Variants in LMBR1 observed in about 807,000 individuals in gnomAD.
The protein encoded by LMBR1 is limb development membrane protein 1.
A neutral mutation model predicts 73.9 loss-of-function variants in LMBR1; 52 were observed. The observed-to-expected ratio is 0.70, with a 90% confidence interval of 0.56 to 0.89. The LOEUF is 0.89. Ranked by LOEUF, LMBR1 falls within the 40% of genes least tolerant of loss-of-function variation. LMBR1 has a pLI of 0.00. For synonymous variants in LMBR1, 215 were observed against 209.4 expected, an observed-to-expected ratio of 1.03 and a Z score of -0.23; for missense variants, 539 against 579.8, an observed-to-expected ratio of 0.93 and a Z score of 0.72.
At chr7:156,704,608 A>G (rs1374010907) in intron 15 of LMBR1, among the ~76,000 whole-genome samples, 1 of 151,982 alleles carries the variant, frequency 6.6e-6, no homozygotes, top group Non-Finnish European at 1.5e-5. Flanking sequence ...AACTGAAAAA[A>G]AAAAACCCTC....
At chr7:156,797,274 T>C (rs529498422) in intron 4 of LMBR1, among the ~76,000 whole-genome samples, 1 of 152,190 alleles carries the variant, frequency 6.6e-6, no homozygotes, top group Non-Finnish European at 1.5e-5. Flanking sequence ...GTTAGGTATG[T>C]CATTGGGAGG....
At chr7:156,735,162 T>C (rs1384279239) in intron 9 of LMBR1, among the ~76,000 whole-genome samples, 2 of 152,216 alleles carry the variant, frequency 1.3e-5, no homozygotes, top group African/African-American at 2.4e-5. Context: ...GATTGCTGAG[T>C]AGGGTATGAA....
intron 3 of LMBR1, among the ~76,000 whole-genome samples, chr7:156,827,804 G>A (rs1246947468): frequency 6.6e-6 from 1 of 152,156 alleles, no homozygotes; most frequent in African/African-American, 2.4e-5. Flanking sequence ...CAACAGAAGT[G>A]TATTCCTACT....
chr7:156,833,881 TAAA>T, intron 2 of LMBR1, 89 bp from the exon 3 acceptor site: 1 of 830,544 alleles, frequency 1.2e-6, no homozygotes, highest in Non-Finnish European at 1.9e-6. Context: ...AATATAAACT[TAAA>T]AGGCAATTAT....
At chr7:156,805,636 GA>G (rs1303702914) in intron 4 of LMBR1, among the ~76,000 whole-genome samples, 15 of 152,176 alleles carry the variant, frequency 9.9e-5, no homozygotes, top group African/African-American at 3.4e-4. Context: ...ATTTGCATCC[GA>G]ATTTTAGATC....
intron 1 of LMBR1, among the ~76,000 whole-genome samples, chr7:156,891,223 TATATATATATACAC>T (rs1250694216): frequency 6.0e-5 from 4 of 66,900 alleles, no homozygotes; most frequent in Admixed American, 1.9e-4. Flanking sequence ...TATATATATA[TATATATATATACAC>T]ACACACACAC....
intron 1 of LMBR1, among the ~76,000 whole-genome samples, chr7:156,855,473 C>G (rs1375158041): frequency 6.6e-6 from 1 of 151,934 alleles, no homozygotes; most frequent in Non-Finnish European, 1.5e-5. Context: ...AATAACAATT[C>G]TGAAAAGAAA....
rs778579781 is a variant in LMBR1, at chr7:156,826,745, C to T, written c.180-1G>A. 1.2e-6 allele frequency: 2 copies of T among 1,601,602 alleles called. No homozygotes were observed. The highest frequency in any genetic ancestry group is 2.2e-5 in the South Asian group (2 of 89,036). On this transcript the variant is annotated splice_acceptor_variant, in intron 3 of 16. Coordinates refer to ENST00000353442, the MANE Select transcript of LMBR1 (RefSeq NM_022458.4). LOFTEE classifies it high-confidence loss of function. The stretch of plus-strand genomic sequence containing the variant: ...GAGAGTGAACGTGCTCAAAAACAAC[C>T]TGGAAGAAAGGAGAGTCACCATCAC...
chr7:156,769,288 C>A (rs1185382546), intron 5 of LMBR1, among the ~76,000 whole-genome samples: 1 of 152,164 alleles, frequency 6.6e-6, no homozygotes, highest in African/African-American at 2.4e-5. Context: ...CCCATAATGC[C>A]TTCTGACTGG....
intron 4 of LMBR1, chr7:156,822,180 G>C (rs535788706): frequency 6.6e-6 from 1 of 152,208 alleles, no homozygotes; most frequent in Non-Finnish European, 1.5e-5. Flanking sequence ...ACTGGCATAG[G>C]AATAGACAGA....
At chr7:156,831,552 G>A (rs1836698823) in intron 3 of LMBR1, among the ~76,000 whole-genome samples, 1 of 152,020 alleles carries the variant, frequency 6.6e-6, no homozygotes, top group South Asian at 2.1e-4. Context: ...TCTTCCCCAT[G>A]CCCCTCCCTT....
chr7:156,671,918 A>G (rs1303686018), intron 4 of LMBR1, among the ~76,000 whole-genome samples: 1 of 152,244 alleles, frequency 6.6e-6, no homozygotes, highest in South Asian at 2.1e-4. Flanking sequence ...AGACAAAATT[A>G]TAATGGAAAT....
chr7:156,771,465 G>C (rs1825167465), intron 5 of LMBR1, among the ~76,000 whole-genome samples: 1 of 152,128 alleles, frequency 6.6e-6, no homozygotes, highest in African/African-American at 2.4e-5. Flanking sequence ...ATACAAACTA[G>C]AAAACTTAGC....
At chr7:156,738,097 G>C (rs1224871064) in intron 9 of LMBR1, among the ~76,000 whole-genome samples, 1 of 152,216 alleles carries the variant, frequency 6.6e-6, no homozygotes, top group Non-Finnish European at 1.5e-5. Context: ...AGACAGCCTT[G>C]AACTGCCGAT....
At chr7:156,722,140 C>T (rs759201498) in intron 15 of LMBR1, among the ~76,000 whole-genome samples, 2 of 152,008 alleles carry the variant, frequency 1.3e-5, no homozygotes, top group Middle Eastern at 3.2e-3. Context: ...TTTCTTGTTA[C>T]TGCATTTCTC....
chr7:156,782,782 T>C (rs934659918), intron 5 of LMBR1, among the ~76,000 whole-genome samples: 1 of 152,188 alleles, frequency 6.6e-6, no homozygotes, highest in African/African-American at 2.4e-5. Context: ...TGGCCTCAAG[T>C]GATCCTCCTG....
At chr7:156,716,262 T>G (rs1813190933) in intron 15 of LMBR1, among the ~76,000 whole-genome samples, 1 of 152,010 alleles carries the variant, frequency 6.6e-6, no homozygotes, top group African/African-American at 2.4e-5. Context: ...TAGAGAAAGG[T>G]GAATGGGAGA....
At chr7:156,797,886 C>T (rs1830316114) in intron 4 of LMBR1, among the ~76,000 whole-genome samples, 1 of 151,912 alleles carries the variant, frequency 6.6e-6, no homozygotes, top group Non-Finnish European at 1.5e-5. Flanking sequence ...ATCTTAACAT[C>T]TTTTAGTGGA....
chr7:156,878,323 G>A (rs1800527491), intron 1 of LMBR1, among the ~76,000 whole-genome samples: 1 of 152,252 alleles, frequency 6.6e-6, no homozygotes, highest in African/African-American at 2.4e-5. Flanking sequence ...CCTCCAAGTA[G>A]CTCCTAAAAC....
Sources: gnomAD v4.1 joint callset for allele counts (sites outside exome capture counted in the v4.1 genomes callset) on GRCh38, gnomAD v4.1.1 for gene constraint, MANE v1.5 for transcripts, NCBI Gene and HGNC (gene_info 2026-07-23, HGNC 2026-07-21) for gene names.